MTMR4: variants seen among roughly 807,000 people sequenced by gnomAD.
MTMR4 encodes the protein myotubularin related protein 4.
MTMR4 carries 30 observed loss-of-function variants against 125.5 expected under a neutral mutation model. The ratio of observed to expected loss-of-function variants is 0.24; its 90% CI spans 0.18 to 0.32. MTMR4 has a LOEUF of 0.32. MTMR4 is among the 10% of genes least tolerant of loss of function. The pLI is 1.00. For synonymous variants in MTMR4, 498 were observed against 564.5 expected, an observed-to-expected ratio of 0.88 and a Z score of 1.67; for missense variants, 1,039 against 1,511.5, an observed-to-expected ratio of 0.69 and a Z score of 5.18.
intron 14 of MTMR4, among the ~76,000 whole-genome samples, chr17:58,499,510 T>A (rs896626355): frequency 6.6e-6 from 1 of 152,076 alleles, no homozygotes; most frequent in Non-Finnish European, 1.5e-5. Flanking sequence ...GTGACTGCAC[T>A]CCAGCTGGGC....
At chr17:58,496,834 T>C (rs1975480580) in intron 14 of MTMR4, among the ~76,000 whole-genome samples, 1 of 152,242 alleles carries the variant, frequency 6.6e-6, no homozygotes, top group South Asian at 2.1e-4. Flanking sequence ...GGTTTCTCCC[T>C]TTATACAATG....
At chr17:58,492,432 G>A in intron 17 of MTMR4, 79 bp downstream of exon 17, 1 of 1,263,676 alleles carries the variant, frequency 7.9e-7, no homozygotes, top group South Asian at 1.2e-5. Context: ...GCCTCCCAAG[G>A]TGTTGGCATT....
chr17:58,508,094 TC>T lies in MTMR4; in HGVS notation c.707+66del. 3 of 1,249,000 alleles carry T rather than the reference TC, an allele frequency of 2.4e-6. No individual in the cohort carries two copies. The highest frequency in any genetic ancestry group is 3.5e-6 in the Non-Finnish European group (3 of 859,656). 77.4% of individuals were successfully genotyped at this position (1,249,000 alleles called of 1,614,324 possible). On this transcript the variant is annotated intron_variant, in intron 7 of 17. Transcript: ENST00000682306. The surrounding 1 kb of genome is among the most constrained non-coding windows in gnomAD (Gnocchi z 4.8). The stretch of plus-strand genomic sequence containing the variant: ...TCAGTCAACCAGGTTACCCAAAATC[TC>T]CAATTTTGACTCTTTCCTTGTTGCA...
At chr17:58,502,519 T>A (rs1269613662) in intron 14 of MTMR4, among the ~76,000 whole-genome samples, 26 of 144,660 alleles carry the variant, frequency 1.8e-4, no homozygotes, top group Admixed American at 2.1e-4. Context: ...CCTGTAATGA[T>A]AAAAAAAAAA....
At position 58,511,154 on chromosome 17, in the gene MTMR4, C is replaced by A. The variant is rs187729550; in HGVS notation, c.335+275G>T. Reference sequence around the variant, plus strand: ...CCAACAATAATATGAGTGCTCTGTGCCAGATATTGTCCTCGGTGCTTTCAT... The same window carrying A: ...CCAACAATAATATGAGTGCTCTGTGACAGATATTGTCCTCGGTGCTTTCAT... On this transcript the variant is annotated intron_variant, in intron 4 of 17. Coordinates refer to ENST00000682306, the MANE Select transcript of MTMR4 (RefSeq NM_001378067.1). 6.1e-4 allele frequency: 182 copies of A among 296,086 alleles called. 1 individual carries two copies. In the Admixed American group the frequency reaches 7.3e-3, roughly 12 times the overall value. The allele number at this position is 296,086 out of a possible 1,614,324, so 18.3% of individuals were successfully genotyped here. A position where few individuals can be genotyped will look rare whatever the true frequency, so the allele number is the denominator to read the frequency against.
chr17:58,499,210 AC>A (rs1975552870), intron 14 of MTMR4, among the ~76,000 whole-genome samples: 1 of 149,424 alleles, frequency 6.7e-6, no homozygotes, highest in East Asian at 2.0e-4. Context: ...CCCCTTCTCA[AC>A]CCCTGCCAGC....
rs1598209939 is a variant in MTMR4 at position 58,492,680 on chromosome 17, G to T, written c.3364-81C>A. 3 of 1,432,900 alleles carry T rather than the reference G, an allele frequency of 2.1e-6. No individual in the cohort carries two copies. The East Asian group carries it at 6.8e-5, about 33-fold the overall frequency. 88.8% of individuals were successfully genotyped at this position (1,432,900 alleles called of 1,614,324 possible). A position where few individuals can be genotyped will look rare whatever the true frequency, so the allele number is the denominator to read the frequency against. Reference sequence around the variant, plus strand: ...ACATTGCAATGAGGAAAGCACCCCAGCAGAAAGAGACAAGGCTTATCTTCA... The same window carrying T: ...ACATTGCAATGAGGAAAGCACCCCATCAGAAAGAGACAAGGCTTATCTTCA... On this transcript the variant is annotated intron_variant, in intron 16 of 17. Coordinates refer to ENST00000682306, the MANE Select transcript of MTMR4 (RefSeq NM_001378067.1).
chr17:58,495,477 G>C lies in MTMR4; in HGVS notation c.2707C>G (p.Arg903Gly). The stretch of plus-strand genomic sequence containing the variant: ...ATCTGGCTCTGAGAAATTGGCTTCC[G>C]GACCAATTCCAATGGCATTTTCCCA... ...RFGKMPLELV[R>G]KPISQSQISE... Residue 903 changes from arginine (R) to glycine (G), a missense_variant, in exon 15 of 18, where the codon CGG becomes GGG. Transcript: ENST00000682306. 1 of 1,614,236 alleles carries C rather than the reference G, an allele frequency of 6.2e-7. No individual in the cohort carries two copies. The highest frequency in any genetic ancestry group is 8.5e-7 in the Non-Finnish European group (1 of 1,180,044).
At chr17:58,496,540 G>A (rs1170353446) in intron 14 of MTMR4, among the ~76,000 whole-genome samples, 2 of 152,174 alleles carry the variant, frequency 1.3e-5, no homozygotes, top group African/African-American at 2.4e-5. Context: ...GACATGGACC[G>A]TGTCCTCCGG....
rs1975786428 is a variant in MTMR4 at position 58,506,691 on chromosome 17, C to T, written c.1033+52G>A. On this transcript the variant is annotated intron_variant, in intron 9 of 17. Transcript: ENST00000682306. ...AAATGGCCCCCAACCCCCTCCTCAC[C>T]AAAGCCACCCAGAGCACAGGCTGGC... 1.9e-6 allele frequency: 3 copies of T among 1,596,890 alleles called. No individual in the cohort carries two copies. The Admixed American group carries it at 5.1e-5, about 27-fold the overall frequency.
Position 58,512,238 on chromosome 17 carries a change from G to A in MTMR4, c.252+152C>T, listed in dbSNP as rs1975951107. 1.1e-5 allele frequency: 7 copies of A among 627,482 alleles called. No individual in the cohort carries two copies. Among genetic ancestry groups the A allele is most frequent in the Non-Finnish European group, 1.7e-5 (6 of 349,894 alleles). The allele number at this position is 627,482 out of a possible 1,614,324, so 38.9% of individuals were successfully genotyped here. On this transcript the variant is annotated intron_variant, in intron 3 of 17. Coordinates refer to ENST00000682306, the MANE Select transcript of MTMR4 (RefSeq NM_001378067.1). This position sits in a 1 kb window ranked among gnomAD's most constrained non-coding sequence, Gnocchi z 4.1. ...TGACCTCAAGTGATCCACCCGCCTC[G>A]GCCTCCCAAAGTGCTGGGATTACAG...
rs1341645607 is a variant in MTMR4, at chr17:58,489,986, T to C, written c.*1677A>G. On this transcript the variant is annotated 3_prime_UTR_variant, in exon 18 of 18. Coordinates refer to ENST00000682306, the MANE Select transcript of MTMR4 (RefSeq NM_001378067.1). ...GAATTTTGCAGACACAAAATCTCCA[T>C]TATTCAGCTCCATTTAAATGAAAAA... 1 of 152,692 alleles carries C rather than the reference T, an allele frequency of 6.5e-6. No individual in the cohort carries two copies. The highest frequency in any genetic ancestry group is 1.5e-5 in the Non-Finnish European group (1 of 68,048). The allele number at this position is 152,692 out of a possible 1,614,324, so 9.5% of individuals were successfully genotyped here.
upstream of MTMR4, chr17:58,514,911 C>A: frequency 1.4e-6 from 1 of 728,144 alleles, no homozygotes; most frequent in Non-Finnish European, 1.7e-6. Context: ...GTTCCCCCGA[C>A]GCCTGCTCTG....
rs1212160390 is a variant in MTMR4, at chr17:58,512,475, A to G, written c.167T>C (p.Val56Ala). The G allele has an allele frequency of 1.2e-6, 2 of 1,613,902 alleles. No homozygotes were observed. The highest frequency in any genetic ancestry group is 2.7e-5 in the African/African-American group (2 of 74,870). The stretch of plus-strand genomic sequence containing the variant: ...ATCGGCTGCCCGGCCCAGGAACTCT[A>G]CTCCCTCACCCTGCAGCACTGTGAA... ...VPFTVLQGEG[V>A]EFLGRAADAL... Residue 56 changes from valine (V) to alanine (A), a missense_variant, in exon 3 of 18, where the codon GTA becomes GCA. Val to Ala is a moderately conservative substitution (Grantham distance 64). Coordinates refer to ENST00000682306, the MANE Select transcript of MTMR4 (RefSeq NM_001378067.1). The surrounding 1 kb of genome is among the most constrained non-coding windows in gnomAD (Gnocchi z 4.1).
chr17:58,501,527 T>C (rs2143876346), intron 14 of MTMR4, among the ~76,000 whole-genome samples: 1 of 151,684 alleles, frequency 6.6e-6, no homozygotes, highest in East Asian at 1.9e-4. Context: ...AATATCAAAA[T>C]TTGAGATATA....
chr17:58,512,369 G>C lies in MTMR4; in HGVS notation c.252+21C>G. ...CATAGGGATTCTAGCTTAGGGGTAG[G>C]AGAACAATACAGAAACTCACGTTGA... On this transcript the variant is annotated intron_variant, in intron 3 of 17. Transcript: ENST00000682306. The surrounding 1 kb of genome is among the most constrained non-coding windows in gnomAD (Gnocchi z 4.1). 6.4e-7 allele frequency: 1 copy of C among 1,555,986 alleles called. No homozygotes were observed. The highest frequency in any genetic ancestry group is 8.9e-7 in the Non-Finnish European group (1 of 1,126,910).
intron 7 of MTMR4, 181 bp downstream of exon 7, chr17:58,507,980 A>C: frequency 1.8e-6 from 1 of 551,944 alleles, no homozygotes. Flanking sequence ...GGAATGAATA[A>C]ACTCCCTAAT....
intron 15 of MTMR4, among the ~76,000 whole-genome samples, 165 bp downstream of exon 15, chr17:58,494,767 T>C (rs1975408017): frequency 6.6e-6 from 1 of 152,212 alleles, no homozygotes; most frequent in Non-Finnish European, 1.5e-5. Context: ...TCCTCAATCA[T>C]AGCACTTAAA....
upstream of MTMR4, among the ~76,000 whole-genome samples, chr17:58,516,782 G>A (rs1313213290): frequency 6.6e-6 from 1 of 152,172 alleles, no homozygotes; most frequent in Non-Finnish European, 1.5e-5. Context: ...AGAGGCAATG[G>A]GAGCTACATG....
Sources: gnomAD v4.1 joint callset for allele counts (sites outside exome capture counted in the v4.1 genomes callset) on GRCh38, gnomAD v4.1.1 for gene constraint, Gnocchi (gnomAD v3.1) non-coding constraint, MANE v1.5 for transcripts, NCBI Gene and HGNC (gene_info 2026-07-23, HGNC 2026-07-21) for gene names.